Variants in MBD3 observed in about 807,000 individuals in gnomAD.
MBD3 encodes the protein methyl-CpG-binding domain protein 3.
MBD3 carries 13 observed loss-of-function variants against 31.2 expected under a neutral mutation model. The observed-to-expected ratio is 0.42, with a 90% CI of 0.27 to 0.66. The LOEUF (loss-of-function observed/expected upper bound fraction) is 0.66, where lower values mean the gene tolerates loss of function less well. Ranked by LOEUF, MBD3 falls within the 30% of genes least tolerant of loss-of-function variation. The pLI is 0.26. For missense variants in MBD3, 440 were observed against 426.5 expected, an observed-to-expected ratio of 1.03 and a Z score of -0.28; for synonymous variants, 223 against 187.4, an observed-to-expected ratio of 1.19 and a Z score of -1.55.
Position 1,592,843 on chromosome 19 carries a change from C to A in MBD3, c.-212G>T. On this transcript the variant is annotated 5_prime_UTR_variant, in exon 1 of 7. Coordinates refer to ENST00000434436, the MANE Select transcript of MBD3 (RefSeq NM_001281453.2). ...CTCCCCGCGCTCGCCAGCCCCCGCT[C>A]GGGGGGCCCGCTCCGCCCACCCGCC... The A allele has an allele frequency of 6.8e-6, 1 of 146,580 alleles. No homozygotes were observed. The highest frequency in any genetic ancestry group is 1.9e-4 in the South Asian group (1 of 5,246). 9.1% of individuals were successfully genotyped at this position (146,580 alleles called of 1,614,324 possible).
rs1462427149 is a variant in MBD3, at chr19:1,585,230, AC to A, written c.111-17del. The A allele has an allele frequency of 6.4e-7, 1 of 1,572,362 alleles. No individual in the cohort carries two copies. Among genetic ancestry groups the A allele is most frequent in the Non-Finnish European group, 8.6e-7 (1 of 1,166,414 alleles). ...CCCGCTCGGGCTGCGGGGAGGCGGG[AC>A]GGTCGGCGCCCCGGGCGGACCCCAG... On this transcript the variant is annotated splice_polypyrimidine_tract_variant and intron_variant, in intron 1 of 6. Coordinates refer to ENST00000434436, the MANE Select transcript of MBD3 (RefSeq NM_001281453.2). The surrounding 1 kb of genome is among the most constrained non-coding windows in gnomAD (Gnocchi z 4.1).
At chr19:1,587,934 C>T (rs530087456) in intron 1 of MBD3, among the ~76,000 whole-genome samples, 3 of 152,344 alleles carry the variant, frequency 2.0e-5, no homozygotes, top group African/African-American at 4.8e-5. Flanking sequence ...CTGCCCCAGA[C>T]GTCCTGGCCC....
rs746973427 is a variant in MBD3, at chr19:1,585,247, C to G, written c.111-33G>C. Reference sequence around the variant, plus strand: ...GAGGCGGGACGGTCGGCGCCCCGGGCGGACCCCAGACCCCAAACCCAGGCC... The same window carrying G: ...GAGGCGGGACGGTCGGCGCCCCGGGGGGACCCCAGACCCCAAACCCAGGCC... On this transcript the variant is annotated intron_variant, in intron 1 of 6. Transcript: ENST00000434436. The surrounding 1 kb of genome is among the most constrained non-coding windows in gnomAD (Gnocchi z 4.1). 6.5e-7 allele frequency: 1 copy of G among 1,547,680 alleles called. No homozygotes were observed. Among genetic ancestry groups the G allele is most frequent in the Admixed American group, 1.9e-5 (1 of 52,586 alleles).
At position 1,592,556 on chromosome 19, in the gene MBD3, G is replaced by C; in HGVS notation, c.76C>G (p.Leu26Val). The change falls in exon 1 of 7, where the codon CTG (leucine) becomes GTG (valine). Residue 26 changes from leucine (L) to valine (V), a missense_variant. Around this residue, in one of 3 missense-constraint regions of MBD3, gnomAD observed 179 missense variants for 134.7 expected, o/e 1.33. Transcript: ENST00000434436. Reference sequence around the variant, plus strand: ...AAGACATCCCTGTGGCCGGCCGACAGCCCCGACCTTCTGGGCACTTCTTCC... The same window carrying C: ...AAGACATCCCTGTGGCCGGCCGACACCCCCGACCTTCTGGGCACTTCTTCC... Reference protein sequence around the residue: ...EREEVPRRSGLSAGHRDVFYY... With the variant: ...EREEVPRRSGVSAGHRDVFYY... 6.9e-7 allele frequency: 1 copy of C among 1,443,182 alleles called. No homozygotes were observed. The highest frequency in any genetic ancestry group is 9.3e-7 in the Non-Finnish European group (1 of 1,075,906). The allele number at this position is 1,443,182 out of a possible 1,614,324, so 89.4% of individuals were successfully genotyped here.
At chr19:1,581,068 C>G (rs544119020) in intron 5 of MBD3, 24 bp downstream of exon 5, 3 of 1,613,960 alleles carry the variant, frequency 1.9e-6, no homozygotes, top group African/African-American at 2.7e-5. Flanking sequence ...GGTGGAGCAG[C>G]AGGGGACCAG....
chr19:1,581,088 C>G lies in MBD3; in HGVS notation c.677+4G>C. ...AGCAGCAGGGGACCAGGCCAAGGGG[C>G]TACCTGATGTCCTCGTCGGTCACCA... is the stretch of plus-strand genomic sequence containing the variant. On this transcript the variant is annotated splice_donor_region_variant and intron_variant, in intron 5 of 6. Coordinates refer to ENST00000434436, the MANE Select transcript of MBD3 (RefSeq NM_001281453.2). 2 of 1,614,126 alleles carry G rather than the reference C, an allele frequency of 1.2e-6. No homozygotes were observed. The highest frequency in any genetic ancestry group is 2.7e-5 in the African/African-American group (2 of 75,058).
intron 5 of MBD3, among the ~76,000 whole-genome samples, chr19:1,579,614 C>T (rs1917302131): frequency 6.6e-6 from 1 of 152,132 alleles, no homozygotes; most frequent in South Asian, 2.1e-4. Flanking sequence ...GCGGCTCCTG[C>T]AGACCTGAGC....
chr19:1,586,991 A>C (rs1193192344), intron 1 of MBD3, among the ~76,000 whole-genome samples: 2 of 144,828 alleles, frequency 1.4e-5, no homozygotes, highest in African/African-American at 5.2e-5. Context: ...TTTAAGACGG[A>C]GTCTCGCTCT....
intron 3 of MBD3, among the ~76,000 whole-genome samples, chr19:1,584,014 G>A (rs1327092225): frequency 3.3e-5 from 5 of 151,410 alleles, no homozygotes; most frequent in African/African-American, 9.7e-5. Context: ...TAGAGACGGG[G>A]TTTCACCATG....
intron 1 of MBD3, among the ~76,000 whole-genome samples, chr19:1,586,839 G>A (rs1221612099): frequency 3.3e-5 from 5 of 150,682 alleles, no homozygotes; most frequent in African/African-American, 1.2e-4. Flanking sequence ...GCTGATTTTT[G>A]TATTTTTAGT....
chr19:1,585,097 C>A lies in MBD3; in HGVS notation c.228G>T (p.Lys76Asn). The change falls in exon 2 of 7, where the codon AAG becomes AAT. Residue 76 changes from lysine to asparagine, a missense_variant. Physicochemically the swap from Lys to Asn is moderately conservative, Grantham distance 94 (BLOSUM62 0). Coordinates refer to ENST00000434436, the MANE Select transcript of MBD3 (RefSeq NM_001281453.2). This position sits in a 1 kb window ranked among gnomAD's most constrained non-coding sequence, Gnocchi z 4.1. Reference sequence around the variant, plus strand: ...AGTCGTAGCGCACGCGCTGGCGGCTCTTGTTCATCTTGCTCATCAGCATCT... The same window carrying A: ...AGTCGTAGCGCACGCGCTGGCGGCTATTGTTCATCTTGCTCATCAGCATCT... The part of the protein sequence containing the change: ...TGKMLMSKMN[K>N]SRQRVRYDSS... 6.2e-7 allele frequency: 1 copy of A among 1,612,700 alleles called. No homozygotes were observed. Among genetic ancestry groups the A allele is most frequent in the East Asian group, 2.2e-5 (1 of 44,852 alleles).
At position 1,585,624 on chromosome 19, in the gene MBD3, GCTA is replaced by G; in HGVS notation, c.111-413_111-411del. On this transcript the variant is annotated intron_variant, in intron 1 of 6. Transcript: ENST00000434436. This position sits in a 1 kb window ranked among gnomAD's most constrained non-coding sequence, Gnocchi z 4.1. ...GCAGACGCTGAGTTCGGGTACAAACGCTACTACCTACAGGGCTTTGGGCCCCGG... is the reference window on the plus strand; with the variant it reads ...GCAGACGCTGAGTTCGGGTACAAACGCTACCTACAGGGCTTTGGGCCCCGG... The G allele has an allele frequency of 3.7e-6, 1 of 267,376 alleles. No homozygotes were observed. Among genetic ancestry groups the G allele is most frequent in the Non-Finnish European group, 7.4e-6 (1 of 136,024 alleles). The allele number at this position is 267,376 out of a possible 1,614,324, so 16.6% of individuals were successfully genotyped here.
At position 1,592,564 on chromosome 19, in the gene MBD3, C is replaced by CT. The variant is rs2060710478; in HGVS notation, c.67dup (p.Arg23LysfsTer15). 1 of 1,443,776 alleles carries CT rather than the reference C, an allele frequency of 6.9e-7. No individual in the cohort carries two copies. Among genetic ancestry groups the CT allele is most frequent in the Non-Finnish European group, 9.3e-7 (1 of 1,076,472 alleles). The allele number at this position is 1,443,776 out of a possible 1,614,324, so 89.4% of individuals were successfully genotyped here. A position where few individuals can be genotyped will look rare whatever the true frequency, so the allele number is the denominator to read the frequency against. On this transcript the variant is annotated frameshift_variant, in exon 1 of 7. Coordinates refer to ENST00000434436, the MANE Select transcript of MBD3 (RefSeq NM_001281453.2). LOFTEE classifies it high-confidence loss of function. ...CCTGTGGCCGGCCGACAGCCCCGACCTTCTGGGCACTTCTTCCCTCTCCCA... is the reference window on the plus strand; with the variant it reads ...CCTGTGGCCGGCCGACAGCCCCGACCTTTCTGGGCACTTCTTCCCTCTCCCA...
intron 1 of MBD3, among the ~76,000 whole-genome samples, chr19:1,587,616 T>G (rs535252960): frequency 6.9e-4 from 105 of 152,298 alleles, no homozygotes; most frequent in Non-Finnish European, 1.2e-3. Context: ...GGACTCGCTA[T>G]GTTGCCCAGG....
intron 1 of MBD3, among the ~76,000 whole-genome samples, chr19:1,588,779 C>CCAAAAA (rs2060690718): frequency 1.8e-5 from 1 of 54,950 alleles, no homozygotes; most frequent in African/African-American, 7.5e-5. Context: ...ACTGTGTCTC[C>CCAAAAA]AAAAAAAAAA....
chr19:1,588,327 G>A (rs1041374756), intron 1 of MBD3, among the ~76,000 whole-genome samples: 4 of 152,132 alleles, frequency 2.6e-5, no homozygotes, highest in Admixed American at 2.0e-4. Flanking sequence ...ACGTTCAGTC[G>A]AAGCTGGTTT....
In MBD3 at chr19:1,581,085, G is replaced by A. The variant is rs770686354; in HGVS notation, c.677+7C>T. 9.9e-6 allele frequency: 16 copies of A among 1,614,090 alleles called. No homozygotes were observed. The highest frequency in any genetic ancestry group is 1.4e-5 in the Non-Finnish European group (16 of 1,180,010). On this transcript the variant is annotated splice_region_variant and intron_variant, in intron 5 of 6. Transcript: ENST00000434436. ...TGGAGCAGCAGGGGACCAGGCCAAG[G>A]GGCTACCTGATGTCCTCGTCGGTCA...
intron 5 of MBD3, among the ~76,000 whole-genome samples, chr19:1,579,145 T>C (rs541746491): frequency 1.1e-4 from 15 of 133,688 alleles, no homozygotes; most frequent in African/African-American, 2.3e-4. Context: ...GATGGCGCCA[T>C]TGCACTCCAG....
intron 1 of MBD3, among the ~76,000 whole-genome samples, chr19:1,588,812 G>A (rs1030761758): frequency 6.7e-6 from 1 of 148,486 alleles, no homozygotes; most frequent in African/African-American, 2.5e-5. Context: ...GGTGTAAGGC[G>A]AACAAGAGAC....
Sources: allele counts gnomAD v4.1 joint callset (sites outside exome capture counted in the v4.1 genomes callset), GRCh38; gene constraint gnomAD v4.1.1; regional missense constraint gnomAD v4.1.1; non-coding constraint Gnocchi (gnomAD v3.1); transcripts MANE v1.5; gene names NCBI Gene and HGNC (gene_info 2026-07-23, HGNC 2026-07-21).